The following RBFOX2 variants were observed in gnomAD, a reference collection of about 807,000 sequenced individuals.
RBFOX2 encodes RNA binding fox-1 homolog 2, also known as RNA binding protein fox-1 homolog 2.
RBFOX2 carries 10 observed loss-of-function variants against 49.1 expected under a neutral mutation model. That is an observed-to-expected ratio of 0.20 (90% CI 0.13 to 0.35). The LOEUF is 0.35. RBFOX2 is among the 10% of genes least tolerant of loss of function. RBFOX2 has a pLI of 1.00. For missense variants in RBFOX2, 323 were observed against 486.9 expected, an observed-to-expected ratio of 0.66 and a Z score of 3.17; for synonymous variants, 183 against 187.4, an observed-to-expected ratio of 0.98 and a Z score of 0.19.
intron 2 of RBFOX2, among the ~76,000 whole-genome samples, chr22:35,788,186 T>C (rs1946819209): frequency 6.6e-6 from 1 of 152,200 alleles, no homozygotes; most frequent in Non-Finnish European, 1.5e-5. Flanking sequence ...ACAATGGAAA[T>C]ATTTTAACTA....
chr22:35,792,337 AAAGAAAAGAAAAG>A (rs1947903234), intron 2 of RBFOX2, among the ~76,000 whole-genome samples: 1 of 104,324 alleles, frequency 9.6e-6, no homozygotes, highest in Non-Finnish European at 1.9e-5. Flanking sequence ...AAAAAAAAGA[AAAGAAAAGAAAAG>A]AAAAGAAAAG....
At chr22:35,844,009 A>C (rs2040849901), upstream of RBFOX2, among the ~76,000 whole-genome samples, 1 of 152,198 alleles carries the variant, frequency 6.6e-6, no homozygotes, top group Non-Finnish European at 1.5e-5. Flanking sequence ...TTTTGAGCAC[A>C]TACATCTCTT....
intron 1 of RBFOX2, chr22:35,997,261 T>C (rs572837931): frequency 3.3e-5 from 5 of 152,272 alleles, no homozygotes; most frequent in South Asian, 4.2e-4. Context: ...ATTCACACAA[T>C]AGAAGCGGTC....
At chr22:36,018,538 G>T (rs1432655460) in intron 1 of RBFOX2, among the ~76,000 whole-genome samples, 1 of 152,186 alleles carries the variant, frequency 6.6e-6, no homozygotes, top group East Asian at 1.9e-4. Context: ...CAGAAGTCAG[G>T]CCAAACAAGA....
upstream of RBFOX2, among the ~76,000 whole-genome samples, chr22:35,844,455 T>C (rs2040904406): frequency 6.6e-6 from 1 of 152,184 alleles, no homozygotes; most frequent in African/African-American, 2.4e-5. Context: ...CATTCTTTCT[T>C]CCAAGAGCGC....
In RBFOX2 at chr22:35,781,671, T is replaced by C. The variant is rs756914441; in HGVS notation, c.328A>G (p.Thr110Ala). 1 of 1,614,162 alleles carries C rather than the reference T, an allele frequency of 6.2e-7. No individual in the cohort carries two copies. ...TTAGAGACATGCAGCCGTTTCGGGGTAGATTTACTCTCTGAATTTTCACTA... is the reference window on the plus strand; with the variant it reads ...TTAGAGACATGCAGCCGTTTCGGGGCAGATTTACTCTCTGAATTTTCACTA... Residue 110 changes from threonine to alanine, a missense_variant, in exon 3 of 12, where the codon ACC (threonine) becomes GCC (alanine). Thr to Ala is a moderately conservative substitution (Grantham distance 58). Coordinates refer to ENST00000405409, the Ensembl canonical transcript of RBFOX2.
chr22:35,914,752 G>C (rs1329887178), intron 1 of RBFOX2, among the ~76,000 whole-genome samples: 3 of 152,154 alleles, frequency 2.0e-5, no homozygotes, highest in African/African-American at 7.2e-5. Flanking sequence ...GAGGAAAAGG[G>C]AGAAGAATGT....
chr22:35,995,372 C>T (rs2058146990), intron 1 of RBFOX2: 1 of 152,154 alleles, frequency 6.6e-6, no homozygotes, highest in Non-Finnish European at 1.5e-5. Flanking sequence ...CCCCATTTAA[C>T]ACATTTGCCT....
At chr22:36,026,149 C>T (rs2059424475) in intron 1 of RBFOX2, among the ~76,000 whole-genome samples, 1 of 151,810 alleles carries the variant, frequency 6.6e-6, no homozygotes, top group African/African-American at 2.4e-5. Flanking sequence ...GCCTGTAATC[C>T]CATCTACTCA....
chr22:35,769,020 G>A (rs1941895354), intron 4 of RBFOX2, among the ~76,000 whole-genome samples: 1 of 152,136 alleles, frequency 6.6e-6, no homozygotes, highest in Admixed American at 6.5e-5. Flanking sequence ...TCACTAAGCA[G>A]TGGTCAATTA....
intron 11 of RBFOX2, among the ~76,000 whole-genome samples, chr22:35,744,882 A>G (rs926631394): frequency 4.6e-5 from 7 of 152,206 alleles, no homozygotes; most frequent in Non-Finnish European, 7.3e-5. Context: ...ACTTTATCTA[A>G]TGGCTTATCT....
intron 4 of RBFOX2, among the ~76,000 whole-genome samples, chr22:35,776,881 CTT>C (rs60841537): frequency 6.9e-6 from 1 of 145,338 alleles, no homozygotes. Context: ...TCATCAAATA[CTT>C]TTTTTTTTTT....
intron 1 of RBFOX2, among the ~76,000 whole-genome samples, chr22:35,853,492 GTAAT>G (rs954607413): frequency 1.1e-4 from 17 of 151,990 alleles, no homozygotes; most frequent in African/African-American, 4.1e-4. Flanking sequence ...AATTTATTGT[GTAAT>G]TAGTTAAGCT....
At chr22:35,763,924 T>C (rs569592174) in intron 6 of RBFOX2, among the ~76,000 whole-genome samples, 10 of 152,372 alleles carry the variant, frequency 6.6e-5, no homozygotes, top group African/African-American at 2.4e-4. Flanking sequence ...GTCTGTTTTC[T>C]GAATTCCAGT....
intron 1 of RBFOX2, among the ~76,000 whole-genome samples, chr22:35,820,352 C>T (rs373393285): frequency 1.3e-5 from 2 of 152,196 alleles, no homozygotes; most frequent in South Asian, 2.1e-4. Flanking sequence ...GAAAACACCA[C>T]GTACTGTTTC....
At chr22:35,840,561 A>C in exon 1 of RBFOX2, 3 of 1,154,300 alleles carry the variant, frequency 2.6e-6, no homozygotes, top group Non-Finnish European at 3.2e-6. Flanking sequence ...ACATCTCCCA[A>C]CTCCAGAAGC....
rs75910284 is a variant in RBFOX2 at position 35,910,973 on chromosome 22, G to A, written c.-34+27874C>T. Among the ~76,000 whole-genome samples the A allele has an allele frequency of 3.3e-3, 506 of 152,068 alleles. 1 individual carries two copies. Among genetic ancestry groups the A allele is most frequent in the African/African-American group, 0.011 (476 of 41,478 alleles). Reference sequence around the variant, plus strand: ...GACTTATTTTAATTATTTCTGAAACGGTTTATTTTTAGTAAATATAATAGT... The same window carrying A: ...GACTTATTTTAATTATTTCTGAAACAGTTTATTTTTAGTAAATATAATAGT... On this transcript the variant is annotated intron_variant, in intron 1 of 13. Transcript: ENST00000359369.
chr22:35,929,027 G>A (rs1164053591), intron 1 of RBFOX2, among the ~76,000 whole-genome samples: 1 of 152,122 alleles, frequency 6.6e-6, no homozygotes, highest in Non-Finnish European at 1.5e-5. Context: ...GGCTGAGACA[G>A]GAGGATCACT....
intron 1 of RBFOX2, among the ~76,000 whole-genome samples, chr22:36,026,289 A>AT (rs2059431211): frequency 9.4e-6 from 1 of 106,298 alleles, no homozygotes; most frequent in African/African-American, 6.6e-5. Flanking sequence ...TAGAAAGAAA[A>AT]TAAAATACAA....
Sources: allele counts gnomAD v4.1 joint callset (sites outside exome capture counted in the v4.1 genomes callset), GRCh38; gene constraint gnomAD v4.1.1; transcripts MANE v1.5; gene names NCBI Gene and HGNC (gene_info 2026-07-23, HGNC 2026-07-21).